The following TTC7B variants were observed in gnomAD, a reference collection of about 807,000 sequenced individuals.
The protein encoded by TTC7B is tetratricopeptide repeat protein 7B.
Under a neutral mutation model 106.8 loss-of-function variants are expected in TTC7B, and 28 were observed. The ratio of observed to expected loss-of-function variants is 0.26; its 90% confidence interval spans 0.19 to 0.36. The LOEUF is 0.36. Ranked by LOEUF, TTC7B falls within the 10% of genes least tolerant of loss-of-function variation. TTC7B has a pLI of 1.00. For synonymous variants in TTC7B, 405 were observed against 430.6 expected, an observed-to-expected ratio of 0.94 and a Z score of 0.74; for missense variants, 862 against 1,076.4, an observed-to-expected ratio of 0.80 and a Z score of 2.79.
intron 13 of TTC7B, among the ~76,000 whole-genome samples, chr14:90,651,889 C>T (rs921697167): frequency 2.0e-5 from 3 of 152,122 alleles, no homozygotes; most frequent in South Asian, 2.1e-4. Flanking sequence ...AAGAGTCTAA[C>T]GAAGCTTGTC....
intron 17 of TTC7B, among the ~76,000 whole-genome samples, chr14:90,596,141 C>G (rs1458903972): frequency 6.6e-6 from 1 of 152,078 alleles, no homozygotes; most frequent in African/African-American, 2.4e-5. Context: ...TTTTAACAGA[C>G]ATGTTTAAAA....
chr14:90,667,332 A>C lies in TTC7B; in HGVS notation c.1153-8945T>G, dbSNP rs143211420. ...GGAGTACTGGAGTTGCCAAGACTGGAGACAACGACATAGCAGAAAGGACAG... is the reference window on the plus strand; with the variant it reads ...GGAGTACTGGAGTTGCCAAGACTGGCGACAACGACATAGCAGAAAGGACAG... On this transcript the variant is annotated intron_variant, in intron 9 of 19. Transcript: ENST00000328459. Among the ~76,000 whole-genome samples, 405 of 152,312 alleles carry C rather than the reference A, an allele frequency of 2.7e-3. 3 individuals carry two copies. Among genetic ancestry groups the C allele is most frequent in the African/African-American group, 9.2e-3 (382 of 41,560 alleles).
chr14:90,559,004 C>T (rs1890453299), intron 19 of TTC7B, among the ~76,000 whole-genome samples: 1 of 152,254 alleles, frequency 6.6e-6, no homozygotes, highest in South Asian at 2.1e-4. Flanking sequence ...AGCCTGGCAC[C>T]TTCTTTCTTC....
chr14:90,715,443 AC>A (rs144131244), intron 5 of TTC7B, among the ~76,000 whole-genome samples: 1,892 of 151,998 alleles, frequency 0.012, 37 homozygotes, highest in African/African-American at 0.043. Flanking sequence ...GGAGCTGGAA[AC>A]CCTCTACTCT....
chr14:90,697,571 T>C (rs1887805901), intron 5 of TTC7B: 1 of 152,210 alleles, frequency 6.6e-6, no homozygotes, highest in Admixed American at 6.5e-5. Flanking sequence ...AAATTCTGTG[T>C]GTCCCAGTGA....
intron 5 of TTC7B, among the ~76,000 whole-genome samples, chr14:90,722,074 G>A (rs552910741): frequency 1.3e-5 from 2 of 152,302 alleles, no homozygotes; most frequent in East Asian, 3.9e-4. Context: ...GTGGAACAGC[G>A]ATCTAGGTGA....
chr14:90,656,840 A>T (rs1271605888), intron 11 of TTC7B, among the ~76,000 whole-genome samples: 1 of 152,244 alleles, frequency 6.6e-6, no homozygotes, highest in Non-Finnish European at 1.5e-5. Context: ...ATGCTAATTC[A>T]GTGACGTGTC....
chr14:90,683,593 C>T (rs996752147), intron 7 of TTC7B, among the ~76,000 whole-genome samples: 7 of 152,198 alleles, frequency 4.6e-5, no homozygotes, highest in African/African-American at 1.2e-4. Context: ...GGCCTCACCA[C>T]GCTTCCATTT....
chr14:90,707,928 C>T (rs1047709875), intron 5 of TTC7B, among the ~76,000 whole-genome samples: 3 of 152,090 alleles, frequency 2.0e-5, no homozygotes, highest in East Asian at 3.9e-4. Flanking sequence ...GGGCGGATCA[C>T]GAGGTTAGGA....
At chr14:90,618,106 G>T in intron 15 of TTC7B, 61 bp from the exon 16 acceptor site, 2 of 1,262,380 alleles carry the variant, frequency 1.6e-6, no homozygotes, top group South Asian at 1.2e-5. Flanking sequence ...CCCCATCCCA[G>T]CAAGACAAGT....
At chr14:90,664,444 T>C (rs1886331285) in intron 9 of TTC7B, among the ~76,000 whole-genome samples, 1 of 152,096 alleles carries the variant, frequency 6.6e-6, no homozygotes, top group African/African-American at 2.4e-5. Context: ...TAATTTTTTG[T>C]ATTTTTAGTA....
At chr14:90,738,944 C>T (rs1358115728) in intron 4 of TTC7B, among the ~76,000 whole-genome samples, 3 of 152,046 alleles carry the variant, frequency 2.0e-5, no homozygotes, top group African/African-American at 7.2e-5. Flanking sequence ...AGGATCGCTT[C>T]GGCCTGCGAG....
intron 1 of TTC7B, among the ~76,000 whole-genome samples, chr14:90,806,602 C>G (rs573981669): frequency 2.6e-5 from 4 of 152,276 alleles, no homozygotes; most frequent in Admixed American, 2.6e-4. Flanking sequence ...ACAAAATAAC[C>G]TTGCAGATAA....
chr14:90,629,366 GC>G (rs1884590583), intron 15 of TTC7B, among the ~76,000 whole-genome samples: 1 of 152,004 alleles, frequency 6.6e-6, no homozygotes, highest in Non-Finnish European at 1.5e-5. Flanking sequence ...TGGGTAACCA[GC>G]AAGCACCTTA....
At chr14:90,760,735 A>G (rs1890471993) in intron 3 of TTC7B, among the ~76,000 whole-genome samples, 1 of 152,214 alleles carries the variant, frequency 6.6e-6, no homozygotes. Context: ...TGCAGGGCCC[A>G]GCCTCTAGCC....
intron 5 of TTC7B, among the ~76,000 whole-genome samples, chr14:90,729,449 C>A (rs1260163509): frequency 6.6e-6 from 1 of 152,158 alleles, no homozygotes; most frequent in Non-Finnish European, 1.5e-5. Context: ...GGTCTTCATG[C>A]ACATCTATCC....
In TTC7B at chr14:90,535,853, G is replaced by A. The variant is rs1294557; in HGVS notation, c.*5515C>T. Reference sequence around the variant, plus strand: ...CCTGTGAGGCTCCCTCCTGGCTTGCGGGTGGCCGCCTTCTCCGTGTGTCCT... The same window carrying A: ...CCTGTGAGGCTCCCTCCTGGCTTGCAGGTGGCCGCCTTCTCCGTGTGTCCT... On this transcript the variant is annotated 3_prime_UTR_variant, in exon 20 of 20. Transcript: ENST00000328459. 0.65 allele frequency: 98,696 copies of A among 152,386 alleles called. 32,927 individuals carry two copies. Among genetic ancestry groups the A allele is most frequent in the South Asian group, 0.73 (3,501 of 4,824 alleles). 9.4% of individuals were successfully genotyped at this position (152,386 alleles called of 1,614,324 possible).
At chr14:90,562,906 G>A (rs1890647194) in intron 19 of TTC7B, among the ~76,000 whole-genome samples, 1 of 152,112 alleles carries the variant, frequency 6.6e-6, no homozygotes, top group South Asian at 2.1e-4. Flanking sequence ...CTACTCGGCT[G>A]CCAGCACTTG....
intron 16 of TTC7B, among the ~76,000 whole-genome samples, chr14:90,617,271 C>T (rs111397699): frequency 4.2e-4 from 64 of 152,144 alleles, no homozygotes; most frequent in African/African-American, 7.0e-4. Flanking sequence ...GAACCCCAAA[C>T]GATATCTTTC....
Sources: gnomAD v4.1 joint callset for allele counts (sites outside exome capture counted in the v4.1 genomes callset) on GRCh38, gnomAD v4.1.1 for gene constraint, MANE v1.5 for transcripts, NCBI Gene and HGNC (gene_info 2026-07-23, HGNC 2026-07-21) for gene names.